The following COG6 variants were observed in gnomAD, a reference collection of about 807,000 sequenced individuals.
COG6 encodes the protein conserved oligomeric Golgi complex subunit 6.
Under a neutral mutation model 88.8 loss-of-function variants are expected in COG6, and 74 were observed. The observed-to-expected ratio is 0.83, with a 90% CI of 0.69 to 1.01. The LOEUF is 1.01. Among genes scored for constraint, COG6 ranks in the 50% least tolerant of loss-of-function variants. COG6 has a pLI of 0.00. For synonymous variants in COG6, 286 were observed against 278.7 expected, an observed-to-expected ratio of 1.03 and a Z score of -0.26; for missense variants, 800 against 797.9, an observed-to-expected ratio of 1.00 and a Z score of -0.03.
intron 4 of COG6, among the ~76,000 whole-genome samples, chr13:39,669,906 G>A (rs962469992): frequency 1.3e-5 from 2 of 152,158 alleles, no homozygotes; most frequent in Non-Finnish European, 2.9e-5. Flanking sequence ...TTGCAAGGCA[G>A]AAATTATGAT....
chr13:39,776,697 T>G (rs1881474190), intron 18 of COG6, among the ~76,000 whole-genome samples: 1 of 152,244 alleles, frequency 6.6e-6, no homozygotes, highest in African/African-American at 2.4e-5. Flanking sequence ...ACTGCTGTAT[T>G]CTTTCAAGCG....
intron 18 of COG6, among the ~76,000 whole-genome samples, chr13:39,743,263 C>A (rs1880148657): frequency 6.6e-6 from 1 of 152,048 alleles, no homozygotes; most frequent in Non-Finnish European, 1.5e-5. Flanking sequence ...CAGAGCAGAA[C>A]TGAAGGACAT....
chr13:39,765,199 T>C lies in COG6; in HGVS notation c.1827-23136T>C, dbSNP rs148401296. Among the ~76,000 whole-genome samples, 77 of 152,014 alleles carry C rather than the reference T, an allele frequency of 5.1e-4. 1 individual carries two copies. Among genetic ancestry groups the C allele is most frequent in the Admixed American group, 1.6e-3 (24 of 15,294 alleles). ...CTTCCTTCTGCCATGCCCTCTGATA[T>C]CTCTCTCTTTCTGTCTCCTATTCCA... On this transcript the variant is annotated intron_variant, in intron 18 of 18. Coordinates refer to the COG6 transcript ENST00000416691.
At chr13:39,678,198 C>G in intron 5 of COG6, 1 of 344,836 alleles carries the variant, frequency 2.9e-6, no homozygotes, top group Non-Finnish European at 5.5e-6. Flanking sequence ...TCCCAGGTAG[C>G]TAGGGTATCC....
At chr13:39,734,011 GTT>G (rs1879600622) in intron 18 of COG6, among the ~76,000 whole-genome samples, 1 of 151,910 alleles carries the variant, frequency 6.6e-6, no homozygotes, top group Admixed American at 6.6e-5. Flanking sequence ...GGATCTTCTG[GTT>G]CTTAGTCTAG....
Position 39,699,550 on chromosome 13 carries a change from A to C in COG6, c.1216A>C (p.Met406Leu), listed in dbSNP as rs1395198976. 7.5e-6 allele frequency: 12 copies of C among 1,598,730 alleles called. No individual in the cohort carries two copies. The highest frequency in any genetic ancestry group is 1.0e-5 in the Non-Finnish European group (12 of 1,167,044). The stretch of plus-strand genomic sequence containing the variant: ...TGCATTATTGACTACCATTGAAGAA[A>C]TGCATTTGCTAAGCAAAAAAATATT... Reference protein sequence around the residue: ...ATALLTTIEEMHLLSKKIFFN... With the variant: ...ATALLTTIEELHLLSKKIFFN... The change falls in exon 13 of 19, where the codon ATG (methionine) becomes CTG (leucine). Residue 406 changes from methionine to leucine, a missense_variant. Coordinates refer to ENST00000455146, the MANE Select transcript of COG6 (RefSeq NM_020751.3).
At chr13:39,726,112 C>T (rs143703288) in intron 17 of COG6, among the ~76,000 whole-genome samples, 404 of 151,966 alleles carry the variant, frequency 2.7e-3, no homozygotes, top group Non-Finnish European at 4.3e-3. Context: ...GTATTTAATA[C>T]GTGATTATAT....
Position 39,751,976 on chromosome 13 carries a change from C to A in COG6, c.*883C>A. On this transcript the variant is annotated 3_prime_UTR_variant, in exon 19 of 19. Coordinates refer to ENST00000455146, the MANE Select transcript of COG6 (RefSeq NM_020751.3). Reference sequence around the variant, plus strand: ...CAAACCAAAGAAACAATGATCTACTCAAACATTGGAGAAAAAAACTGCCAG... The same window carrying A: ...CAAACCAAAGAAACAATGATCTACTAAAACATTGGAGAAAAAAACTGCCAG... The A allele has an allele frequency of 8.1e-7, 1 of 1,227,294 alleles. No individual in the cohort carries two copies. Among genetic ancestry groups the A allele is most frequent in the Non-Finnish European group, 1.1e-6 (1 of 934,662 alleles). 76.0% of individuals were successfully genotyped at this position (1,227,294 alleles called of 1,614,324 possible).
intron 13 of COG6, among the ~76,000 whole-genome samples, chr13:39,707,079 TTGA>T (rs1336284502): frequency 7.2e-5 from 11 of 152,134 alleles, no homozygotes; most frequent in Admixed American, 7.2e-4. Flanking sequence ...TAATAATGAC[TTGA>T]TGTTTAGTAT....
At chr13:39,782,750 A>T (rs764568522) in intron 18 of COG6, among the ~76,000 whole-genome samples, 2 of 152,160 alleles carry the variant, frequency 1.3e-5, no homozygotes, top group African/African-American at 4.8e-5. Flanking sequence ...TGGCCTTCTT[A>T]GGGGCAGCAC....
intron 4 of COG6, among the ~76,000 whole-genome samples, chr13:39,666,742 T>C (rs1875295961): frequency 6.6e-6 from 1 of 152,226 alleles, no homozygotes; most frequent in Admixed American, 6.5e-5. Flanking sequence ...AGAGATCAAC[T>C]GGAATGATCC....
At chr13:39,721,256 C>G (rs1035514211) in intron 15 of COG6, among the ~76,000 whole-genome samples, 1 of 152,040 alleles carries the variant, frequency 6.6e-6, no homozygotes, top group Admixed American at 6.6e-5. Context: ...AAAAATTCTT[C>G]TTGGTCTATG....
intron 7 of COG6, among the ~76,000 whole-genome samples, chr13:39,681,942 G>T (rs1311642703): frequency 6.6e-6 from 1 of 151,998 alleles, no homozygotes; most frequent in African/African-American, 2.4e-5. Context: ...CAGCTTTGGG[G>T]CATACCTGAT....
chr13:39,672,846 T>C (rs1297357947), intron 4 of COG6, among the ~76,000 whole-genome samples: 1 of 152,090 alleles, frequency 6.6e-6, no homozygotes, highest in African/African-American at 2.4e-5. Context: ...CTGCACAGTT[T>C]TACATTTCCA....
At chr13:39,777,199 A>G (rs1253795542) in intron 18 of COG6, among the ~76,000 whole-genome samples, 1 of 152,182 alleles carries the variant, frequency 6.6e-6, no homozygotes, top group Non-Finnish European at 1.5e-5. Flanking sequence ...GGAGATAAGC[A>G]TTCAAATAGA....
intron 18 of COG6, among the ~76,000 whole-genome samples, chr13:39,768,852 C>G (rs1383653072): frequency 6.6e-6 from 1 of 152,126 alleles, no homozygotes; most frequent in Non-Finnish European, 1.5e-5. Context: ...TATCCCACCC[C>G]CCGCCTACCA....
chr13:39,727,824 T>C (rs1311516282), intron 18 of COG6, among the ~76,000 whole-genome samples: 1 of 152,242 alleles, frequency 6.6e-6, no homozygotes, highest in East Asian at 1.9e-4. Context: ...TAATACCAAA[T>C]TCCCTTACGT....
chr13:39,708,273 G>A (rs1878052324), intron 13 of COG6, among the ~76,000 whole-genome samples: 1 of 152,084 alleles, frequency 6.6e-6, no homozygotes, highest in Non-Finnish European at 1.5e-5. Context: ...CATGTGTTTG[G>A]ATACAAGTCC....
intron 3 of COG6, among the ~76,000 whole-genome samples, chr13:39,662,267 C>T (rs2137948639): frequency 6.6e-6 from 1 of 150,848 alleles, no homozygotes; most frequent in African/African-American, 2.4e-5. Flanking sequence ...GCTAGGATTA[C>T]AGGCGCCTGA....
Sources: allele counts gnomAD v4.1 joint callset (sites outside exome capture counted in the v4.1 genomes callset), GRCh38; gene constraint gnomAD v4.1.1; transcripts MANE v1.5; gene names NCBI Gene and HGNC (gene_info 2026-07-23, HGNC 2026-07-21).